CDC42BPA: variants seen among roughly 807,000 people sequenced by gnomAD.
The protein encoded by CDC42BPA is CDC42 binding protein kinase alpha.
Under a neutral mutation model 223.5 loss-of-function variants are expected in CDC42BPA, and 80 were observed. The observed-to-expected ratio is 0.36, with a 90% CI of 0.30 to 0.43. CDC42BPA has a LOEUF of 0.43. Among genes scored for constraint, CDC42BPA ranks in the 20% least tolerant of loss-of-function variants. The probability of loss-of-function intolerance (pLI) is 1.00; values close to 1 mark genes in which losing one functional copy is unlikely to be tolerated. For missense variants in CDC42BPA, 1,743 were observed against 2,099.9 expected, an observed-to-expected ratio of 0.83 and a Z score of 3.32; for synonymous variants, 694 against 718.6, an observed-to-expected ratio of 0.97 and a Z score of 0.55.
At chr1:227,032,106 C>T (rs958004152) in intron 27 of CDC42BPA, among the ~76,000 whole-genome samples, 3 of 152,106 alleles carry the variant, frequency 2.0e-5, no homozygotes, top group African/African-American at 4.8e-5. Context: ...AACAATAACT[C>T]GCATTATCAT....
At chr1:227,252,387 A>T (rs544322619) in intron 2 of CDC42BPA, among the ~76,000 whole-genome samples, 1 of 152,324 alleles carries the variant, frequency 6.6e-6, no homozygotes, top group South Asian at 2.1e-4. Context: ...TAAAGAAATT[A>T]AACATTATTT....
intron 6 of CDC42BPA, among the ~76,000 whole-genome samples, chr1:227,155,280 A>T (rs78853852): frequency 1.3e-5 from 2 of 152,206 alleles, no homozygotes; most frequent in East Asian, 3.8e-4. Context: ...TGTAAGTTAA[A>T]AGACAACATA....
At chr1:227,286,191 T>C (rs1235595769) in intron 1 of CDC42BPA, among the ~76,000 whole-genome samples, 1 of 152,218 alleles carries the variant, frequency 6.6e-6, no homozygotes, top group Non-Finnish European at 1.5e-5. Context: ...TTTCCAAAAT[T>C]TTATGCTGTT....
At chr1:227,278,347 C>G (rs756521768) in intron 1 of CDC42BPA, among the ~76,000 whole-genome samples, 7 of 152,126 alleles carry the variant, frequency 4.6e-5, no homozygotes, top group Non-Finnish European at 8.8e-5. Context: ...CTATCAAAAC[C>G]TGGAATTTAT....
Position 227,317,469 on chromosome 1 carries a change from T to G in CDC42BPA, c.-287A>C, listed in dbSNP as rs1034628955. ...AATTAAGTCGTATATTTAAATAAAA[T>G]AATAATTAAAAGTACAACGAACTAG... is the stretch of plus-strand genomic sequence containing the variant. On this transcript the variant is annotated 5_prime_UTR_variant, in exon 1 of 37. Coordinates refer to ENST00000366766, the MANE Select transcript of CDC42BPA (RefSeq NM_001394014.1). 2.3e-5 allele frequency: 9 copies of G among 385,110 alleles called. No individual in the cohort carries two copies. Among genetic ancestry groups the G allele is most frequent in the Non-Finnish European group, 4.0e-5 (9 of 222,322 alleles). The allele number at this position is 385,110 out of a possible 1,614,324, so 23.9% of individuals were successfully genotyped here. A position where few individuals can be genotyped will look rare whatever the true frequency, so the allele number is the denominator to read the frequency against.
intron 8 of CDC42BPA, among the ~76,000 whole-genome samples, chr1:227,143,752 C>T (rs892541359): frequency 6.6e-6 from 1 of 152,168 alleles, no homozygotes; most frequent in Non-Finnish European, 1.5e-5. Context: ...GAGAAGCACA[C>T]ATAAAACAAG....
At chr1:227,004,265 G>A (rs1384441608) in intron 35 of CDC42BPA, 2 of 151,970 alleles carry the variant, frequency 1.3e-5, no homozygotes, top group African/African-American at 4.8e-5. Flanking sequence ...AATATATCTG[G>A]AGAATCTACC....
chr1:227,038,397 A>G (rs571689444), intron 24 of CDC42BPA, among the ~76,000 whole-genome samples: 1 of 152,336 alleles, frequency 6.6e-6, no homozygotes, highest in Non-Finnish European at 1.5e-5. Flanking sequence ...ACAATGCCTT[A>G]AAGAAATCAG....
At chr1:227,249,130 C>A (rs1681516515) in intron 2 of CDC42BPA, among the ~76,000 whole-genome samples, 1 of 152,058 alleles carries the variant, frequency 6.6e-6, no homozygotes, top group African/African-American at 2.4e-5. Context: ...GAAGGAAATC[C>A]ACATACATAC....
Position 227,029,240 on chromosome 1 carries a change from T to A in CDC42BPA, c.3849A>T (p.Arg1283Ser). ...GATGAATCTTCTTATTGTCACCAAC[T>A]CTAATAATTTCTAAACACAGAAAGA... Reference protein sequence around the residue: ...VVHVTKDEIIRVGDNKKIHQI... With the variant: ...VVHVTKDEIISVGDNKKIHQI... Residue 1283 changes from arginine (R) to serine (S), a missense_variant, in exon 30 of 37, where the codon AGA becomes AGT. By Grantham distance (110) the Arg-to-Ser change is moderately radical. This residue lies in a region of CDC42BPA where 678 missense variants were observed against 777.5 expected (regional missense o/e 0.87). Coordinates refer to ENST00000366766, the MANE Select transcript of CDC42BPA (RefSeq NM_001394014.1). 1 of 1,550,212 alleles carries A rather than the reference T, an allele frequency of 6.5e-7. No homozygotes were observed. The highest frequency in any genetic ancestry group is 8.7e-7 in the Non-Finnish European group (1 of 1,143,254).
intron 2 of CDC42BPA, among the ~76,000 whole-genome samples, chr1:227,253,056 C>T (rs1682300601): frequency 6.6e-6 from 1 of 152,092 alleles, no homozygotes; most frequent in African/African-American, 2.4e-5. Context: ...ATTTATAAAG[C>T]CCTAAATAAA....
At chr1:227,148,771 G>GA (rs1491285386) in intron 6 of CDC42BPA, among the ~76,000 whole-genome samples, 1 of 7,712 alleles carries the variant, frequency 1.3e-4, no homozygotes, top group Non-Finnish European at 1.9e-4. Flanking sequence ...GGTCTCAAAA[G>GA]CAAAAAAAAA....
At chr1:227,037,769 T>C (rs1331128057) in intron 24 of CDC42BPA, among the ~76,000 whole-genome samples, 3 of 152,216 alleles carry the variant, frequency 2.0e-5, no homozygotes, top group Non-Finnish European at 2.9e-5. Context: ...AGAATGTTCA[T>C]GGAAAATGCA....
intron 1 of CDC42BPA, among the ~76,000 whole-genome samples, chr1:227,289,553 G>A (rs1430378919): frequency 6.6e-6 from 1 of 152,024 alleles, no homozygotes; most frequent in East Asian, 1.9e-4. Context: ...TTATTTACAT[G>A]TCTATTTCCT....
intron 2 of CDC42BPA, among the ~76,000 whole-genome samples, chr1:227,247,108 G>A (rs1681112989): frequency 6.6e-6 from 1 of 151,688 alleles, no homozygotes; most frequent in Non-Finnish European, 1.5e-5. Context: ...GGCTGACATG[G>A]AAGAATCACA....
chr1:227,315,605 T>A (rs1694246731), intron 1 of CDC42BPA, among the ~76,000 whole-genome samples: 1 of 151,468 alleles, frequency 6.6e-6, no homozygotes, highest in Non-Finnish European at 1.5e-5. Context: ...ACTACAGAAT[T>A]TCTCAATTTG....
chr1:227,206,755 C>T (rs1672801019), intron 3 of CDC42BPA, among the ~76,000 whole-genome samples: 1 of 152,102 alleles, frequency 6.6e-6, no homozygotes, highest in African/African-American at 2.4e-5. Context: ...AAAGTTTTCT[C>T]AAATAGTTTG....
chr1:227,096,587 A>G (rs1684046438), intron 15 of CDC42BPA, among the ~76,000 whole-genome samples: 1 of 152,198 alleles, frequency 6.6e-6, no homozygotes. Context: ...CCTGCTGGCC[A>G]CTTTTGACAG....
At chr1:227,186,752 T>C (rs547992624) in intron 5 of CDC42BPA, among the ~76,000 whole-genome samples, 1 of 152,226 alleles carries the variant, frequency 6.6e-6, no homozygotes, top group East Asian at 1.9e-4. Context: ...GTCTGAGCTA[T>C]GTGAGGCATG....
Sources: allele counts gnomAD v4.1 joint callset (sites outside exome capture counted in the v4.1 genomes callset), GRCh38; gene constraint gnomAD v4.1.1; regional missense constraint gnomAD v4.1.1; transcripts MANE v1.5; gene names NCBI Gene and HGNC (gene_info 2026-07-23, HGNC 2026-07-21).